MYRIP: variants seen among roughly 807,000 people sequenced by gnomAD.
MYRIP encodes the protein rab effector MyRIP.
MYRIP carries 49 observed loss-of-function variants against 98.0 expected under a neutral mutation model. That is an observed-to-expected ratio of 0.50 (90% confidence interval 0.40 to 0.63). The LOEUF (loss-of-function observed/expected upper bound fraction) is 0.63. Among genes scored for constraint, MYRIP ranks in the 30% least tolerant of loss-of-function variants. The pLI, the probability that MYRIP is intolerant of heterozygous loss-of-function variation, is 0.00. For missense variants in MYRIP, 1,004 were observed against 1,058.2 expected, an observed-to-expected ratio of 0.95 and a Z score of 0.71; for synonymous variants, 404 against 409.5, an observed-to-expected ratio of 0.99 and a Z score of 0.16.
At chr3:39,863,322 A>G (rs1942525550) in intron 1 of MYRIP, among the ~76,000 whole-genome samples, 1 of 152,168 alleles carries the variant, frequency 6.6e-6, no homozygotes, top group African/African-American at 2.4e-5. Flanking sequence ...AACTAAAGGA[A>G]TTTGAGATAT....
At chr3:39,985,380 G>T (rs1160673588) in intron 2 of MYRIP, among the ~76,000 whole-genome samples, 33 of 115,562 alleles carry the variant, frequency 2.9e-4, no homozygotes, top group Middle Eastern at 3.6e-3. Context: ...TGGCCATACT[G>T]CCCAAGGTAA....
chr3:40,183,025 A>G (rs1305352831), intron 9 of MYRIP, among the ~76,000 whole-genome samples: 1 of 152,156 alleles, frequency 6.6e-6, no homozygotes, highest in African/African-American at 2.4e-5. Flanking sequence ...TGGCTCTATC[A>G]TCCTCCAGGG....
intron 2 of MYRIP, among the ~76,000 whole-genome samples, chr3:39,915,010 A>G (rs1472794202): frequency 6.6e-6 from 1 of 152,064 alleles, no homozygotes; most frequent in Non-Finnish European, 1.5e-5. Context: ...GGTGATTTAC[A>G]TATTTTGTCA....
chr3:40,093,180 A>G (rs771394086), intron 3 of MYRIP, among the ~76,000 whole-genome samples: 2 of 152,232 alleles, frequency 1.3e-5, no homozygotes, highest in African/African-American at 2.4e-5. Flanking sequence ...AGGAGAACCA[A>G]CTTATGTACA....
intron 4 of MYRIP, among the ~76,000 whole-genome samples, chr3:40,155,568 C>A (rs972453825): frequency 1.3e-5 from 2 of 151,900 alleles, no homozygotes; most frequent in African/African-American, 4.8e-5. Flanking sequence ...AATTGCCACA[C>A]TGACTTCCAC....
intron 9 of MYRIP, among the ~76,000 whole-genome samples, chr3:40,189,307 T>C (rs1050833724): frequency 2.5e-4 from 38 of 152,218 alleles, no homozygotes; most frequent in African/African-American, 8.0e-4. Flanking sequence ...TAGACCTATG[T>C]GCCTATCTCA....
Position 40,244,442 on chromosome 3 carries a change from A to G in MYRIP, c.2101-4A>G, listed in dbSNP as rs141109077. On this transcript the variant is annotated splice_polypyrimidine_tract_variant and splice_region_variant and intron_variant, in intron 12 of 16. Coordinates refer to ENST00000302541, the MANE Select transcript of MYRIP (RefSeq NM_015460.4). ...TGAACTCAAATGTAGCACTGTCTCT[A>G]CAGGTATACCTGGCAGCAGGCACTG... 1.2e-5 allele frequency: 19 copies of G among 1,609,654 alleles called. No individual in the cohort carries two copies. The African/African-American group carries it at 2.0e-4, about 17-fold the overall frequency.
chr3:40,016,644 C>A (rs1322631370), intron 2 of MYRIP, among the ~76,000 whole-genome samples: 1 of 152,214 alleles, frequency 6.6e-6, no homozygotes, highest in Non-Finnish European at 1.5e-5. Flanking sequence ...TGCTCCCCAC[C>A]TGAGGGAATT....
At chr3:40,202,365 A>C (rs551138742) in intron 10 of MYRIP, among the ~76,000 whole-genome samples, 94 of 152,274 alleles carry the variant, frequency 6.2e-4, no homozygotes, top group African/African-American at 2.2e-3. Context: ...TGCTTTTATA[A>C]GGAAGATGAT....
At chr3:40,245,833 C>T (rs1227536747) in intron 13 of MYRIP, among the ~76,000 whole-genome samples, 1 of 145,426 alleles carries the variant, frequency 6.9e-6, no homozygotes, top group Non-Finnish European at 1.5e-5. Context: ...CTGCAACATT[C>T]ACCTCCCTGG....
intron 9 of MYRIP, among the ~76,000 whole-genome samples, chr3:40,183,773 G>A (rs1471988173): frequency 1.3e-5 from 2 of 152,118 alleles, no homozygotes; most frequent in East Asian, 3.9e-4. Flanking sequence ...CCCCTTTCCT[G>A]AATAATGAAA....
At chr3:40,204,429 G>A (rs1951741131) in intron 10 of MYRIP, among the ~76,000 whole-genome samples, 4 of 149,822 alleles carry the variant, frequency 2.7e-5, no homozygotes, top group African/African-American at 4.9e-5. Flanking sequence ...TGATCCACCC[G>A]CCTCAGCCTC....
intron 1 of MYRIP, among the ~76,000 whole-genome samples, chr3:39,885,237 TA>T (rs1559509163): frequency 1.3e-5 from 2 of 152,140 alleles, no homozygotes; most frequent in African/African-American, 2.4e-5. Context: ...TTGCTGTTTT[TA>T]AAAAAACTCC....
intron 11 of MYRIP, among the ~76,000 whole-genome samples, chr3:40,210,307 T>G (rs898247412): frequency 1.2e-4 from 18 of 152,276 alleles, no homozygotes; most frequent in Admixed American, 1.1e-3. Context: ...TCCCAAGAAC[T>G]CTTACCTTCC....
chr3:40,032,020 C>A (rs906995230), intron 2 of MYRIP, among the ~76,000 whole-genome samples: 1 of 151,988 alleles, frequency 6.6e-6, no homozygotes, highest in East Asian at 1.9e-4. Context: ...TTATTTCATG[C>A]CTTCTGCTAG....
chr3:39,998,740 A>G (rs1946436140), intron 2 of MYRIP, among the ~76,000 whole-genome samples: 1 of 152,212 alleles, frequency 6.6e-6, no homozygotes, highest in South Asian at 2.1e-4. Flanking sequence ...AGCCAAAAGA[A>G]CAAAGCTGGA....
At chr3:40,245,721 G>A (rs1292616175) in intron 13 of MYRIP, among the ~76,000 whole-genome samples, 1 of 144,418 alleles carries the variant, frequency 6.9e-6, no homozygotes, top group Non-Finnish European at 1.5e-5. Flanking sequence ...TGCAGCTTGA[G>A]TTCAGTATAG....
At chr3:40,140,841 G>A (rs949208696) in intron 3 of MYRIP, among the ~76,000 whole-genome samples, 1 of 152,008 alleles carries the variant, frequency 6.6e-6, no homozygotes, top group Non-Finnish European at 1.5e-5. Context: ...GGCAGGCAGT[G>A]CATAATAATC....
At chr3:39,925,919 A>C (rs1575384934) in intron 2 of MYRIP, among the ~76,000 whole-genome samples, 1 of 152,142 alleles carries the variant, frequency 6.6e-6, no homozygotes, top group Non-Finnish European at 1.5e-5. Flanking sequence ...TACTTTCCAC[A>C]GTGACTGAAC....
Sources: allele counts gnomAD v4.1 joint callset (sites outside exome capture counted in the v4.1 genomes callset), GRCh38; gene constraint gnomAD v4.1.1; transcripts MANE v1.5; gene names NCBI Gene and HGNC (gene_info 2026-07-23, HGNC 2026-07-21).